KAZN: variants seen among roughly 807,000 people sequenced by gnomAD.
KAZN encodes kazrin, periplakin interacting protein, also known as kazrin.
KAZN carries 40 observed loss-of-function variants against 87.4 expected under a neutral mutation model. The observed-to-expected ratio is 0.46, with a 90% CI of 0.36 to 0.60. The LOEUF (loss-of-function observed/expected upper bound fraction) is 0.60, where lower values mean the gene tolerates loss of function less well. Among genes scored for constraint, KAZN ranks in the 20% least tolerant of loss-of-function variants. The pLI, the probability that KAZN is intolerant of heterozygous loss-of-function variation, is 0.00. For missense variants in KAZN, 898 were observed against 1,073.9 expected, an observed-to-expected ratio of 0.84 and a Z score of 2.29; for synonymous variants, 466 against 458.3, an observed-to-expected ratio of 1.02 and a Z score of -0.22.
intron 2 of KAZN, among the ~76,000 whole-genome samples, chr1:14,586,586 G>A (rs1033717558): frequency 2.0e-5 from 3 of 148,812 alleles, no homozygotes; most frequent in Admixed American, 1.3e-4. Context: ...GCTGGAGTGC[G>A]GTGGCACAAT....
rs145397040 is a variant in KAZN at position 14,985,732 on chromosome 1, G to T, written c.418+24857G>T. Among the ~76,000 whole-genome samples the T allele has an allele frequency of 6.9e-3, 1,049 of 151,882 alleles. 11 individuals are homozygous for T. The highest frequency in any genetic ancestry group is 0.023 in the African/African-American group (963 of 41,420). On this transcript the variant is annotated intron_variant, in intron 2 of 14. Coordinates refer to ENST00000376030, the MANE Select transcript of KAZN (RefSeq NM_201628.3). ...AAAGACCCACAGAAGTGCCAGGCAC[G>T]GTGGCCCATGCTTGTAATCCCAGCA... is the stretch of plus-strand genomic sequence containing the variant.
At chr1:14,832,660 G>A (rs561780606) in intron 1 of KAZN, among the ~76,000 whole-genome samples, 13 of 152,270 alleles carry the variant, frequency 8.5e-5, no homozygotes, top group Admixed American at 3.3e-4. Context: ...TTACAAATTC[G>A]TATCGGGCTG....
intron 1 of KAZN, among the ~76,000 whole-genome samples, chr1:14,891,772 C>CT (rs997235536): frequency 2.0e-5 from 3 of 151,718 alleles, no homozygotes; most frequent in Non-Finnish European, 4.4e-5. Context: ...GTGATTTATA[C>CT]TTTTTTTTTC....
chr1:14,285,307 A>G (rs537907111), intron 2 of KAZN, among the ~76,000 whole-genome samples: 1 of 152,346 alleles, frequency 6.6e-6, no homozygotes, highest in East Asian at 1.9e-4. Flanking sequence ...TACTTTGAAC[A>G]AAGAGTAAAC....
intron 4 of KAZN, among the ~76,000 whole-genome samples, chr1:15,055,187 G>T (rs1287302798): frequency 2.6e-5 from 4 of 152,192 alleles, no homozygotes; most frequent in Non-Finnish European, 5.9e-5. Context: ...TGGTAAGAGT[G>T]TTCCTGGGGC....
At chr1:14,881,832 T>C (rs149828616) in intron 1 of KAZN, among the ~76,000 whole-genome samples, 1 of 152,362 alleles carries the variant, frequency 6.6e-6, no homozygotes, top group African/African-American at 2.4e-5. Flanking sequence ...TGTATGGTTG[T>C]TTAAATGAGA....
chr1:14,124,771 C>T (rs910754990), intron 1 of KAZN, among the ~76,000 whole-genome samples: 1 of 152,184 alleles, frequency 6.6e-6, no homozygotes, highest in Admixed American at 6.5e-5. Flanking sequence ...TTCATTCATT[C>T]ATTCTTCCAT....
At chr1:14,797,921 T>C (rs1645881339) in intron 1 of KAZN, among the ~76,000 whole-genome samples, 1 of 152,190 alleles carries the variant, frequency 6.6e-6, no homozygotes. Flanking sequence ...AAAAACACGA[T>C]GCCCACGATG....
chr1:14,883,845 C>T (rs1380453394), intron 1 of KAZN, among the ~76,000 whole-genome samples: 2 of 152,158 alleles, frequency 1.3e-5, no homozygotes, highest in East Asian at 3.9e-4. Flanking sequence ...TTCTTTAAAT[C>T]ATCAAACACC....
At chr1:14,058,837 G>A (rs756160737) in intron 1 of KAZN, among the ~76,000 whole-genome samples, 14 of 152,206 alleles carry the variant, frequency 9.2e-5, no homozygotes, top group Non-Finnish European at 1.9e-4. Context: ...GAACCAGCAT[G>A]CAATGAGAGG....
At chr1:14,552,421 A>G (rs555082696) in intron 2 of KAZN, among the ~76,000 whole-genome samples, 2 of 152,192 alleles carry the variant, frequency 1.3e-5, no homozygotes, top group Non-Finnish European at 2.9e-5. Context: ...CCTCCGTACC[A>G]CGGCTCCCCT....
At chr1:14,845,809 G>C (rs1648684275) in intron 1 of KAZN, among the ~76,000 whole-genome samples, 2 of 152,130 alleles carry the variant, frequency 1.3e-5, no homozygotes, top group African/African-American at 2.4e-5. Flanking sequence ...AGGGAAAATG[G>C]GGAGGGAGCT....
intron 1 of KAZN, among the ~76,000 whole-genome samples, chr1:14,872,922 GGATGGATGGATGGATA>G (rs1466757956): frequency 1.5e-4 from 20 of 135,414 alleles, no homozygotes; most frequent in African/African-American, 4.4e-4. Flanking sequence ...TTGGGTGGAT[GGATGGATGGATGGATA>G]GATGGATGGA....
intron 1 of KAZN, among the ~76,000 whole-genome samples, chr1:14,960,203 T>A (rs11803294): frequency 0.079 from 12,003 of 152,228 alleles, 1,572 homozygotes; most frequent in African/African-American, 0.27. Context: ...CTTGGTTCAA[T>A]TCCCAGCTCT....
chr1:14,541,179 C>A (rs887543954), intron 2 of KAZN, among the ~76,000 whole-genome samples: 7 of 152,298 alleles, frequency 4.6e-5, no homozygotes, highest in African/African-American at 7.2e-5. Context: ...ACCGATCTCA[C>A]GGAAATGTTA....
chr1:13,984,285 C>G (rs978175244), intron 1 of KAZN, among the ~76,000 whole-genome samples: 5 of 152,216 alleles, frequency 3.3e-5, no homozygotes, highest in Non-Finnish European at 7.3e-5. Flanking sequence ...GCTGGGATTA[C>G]AGGCGTGAGC....
chr1:14,375,194 T>A (rs6429656), intron 2 of KAZN, among the ~76,000 whole-genome samples: 38,973 of 152,086 alleles, frequency 0.26, 6,044 homozygotes, highest in African/African-American at 0.44. Context: ...TTCAGCACAC[T>A]GTCTTTTATT....
chr1:14,081,614 G>A (rs1251676598), intron 1 of KAZN, among the ~76,000 whole-genome samples: 1 of 152,068 alleles, frequency 6.6e-6, no homozygotes, highest in Non-Finnish European at 1.5e-5. Flanking sequence ...AAATTCTACT[G>A]GTACATATCC....
At chr1:14,076,621 T>C (rs1258820618) in intron 1 of KAZN, among the ~76,000 whole-genome samples, 1 of 152,132 alleles carries the variant, frequency 6.6e-6, no homozygotes, top group Admixed American at 6.5e-5. Flanking sequence ...TGCTTCCAGA[T>C]ATGGCCAGAT....
Sources: allele counts gnomAD v4.1 joint callset (sites outside exome capture counted in the v4.1 genomes callset), GRCh38; gene constraint gnomAD v4.1.1; transcripts MANE v1.5; gene names NCBI Gene and HGNC (gene_info 2026-07-23, HGNC 2026-07-21).